SLIT2: variants seen among roughly 807,000 people sequenced by gnomAD.
SLIT2 encodes the protein slit homolog 2 protein.
In SLIT2, 41 loss-of-function variants were observed where a neutral mutation model predicts 185.7. The observed-to-expected ratio is 0.22, with a 90% confidence interval of 0.17 to 0.29. SLIT2 has a LOEUF of 0.29. Ranked by LOEUF, SLIT2 falls within the 10% of genes least tolerant of loss-of-function variation. The probability of loss-of-function intolerance (pLI) is 1.00; values close to 1 mark genes in which losing one functional copy is unlikely to be tolerated. For synonymous variants in SLIT2, 693 were observed against 680.2 expected (o/e 1.02, Z -0.29); for missense variants, 1,571 against 1,909.0 (o/e 0.82, Z 3.30).
At chr4:20,461,773 T>A (rs1216910116) in intron 4 of SLIT2, among the ~76,000 whole-genome samples, 1 of 152,206 alleles carries the variant, frequency 6.6e-6, no homozygotes, top group Non-Finnish European at 1.5e-5. Flanking sequence ...TGGTGTATCC[T>A]TAACTGAGAT....
intron 4 of SLIT2, among the ~76,000 whole-genome samples, chr4:20,433,983 G>A (rs1252076405): frequency 3.3e-5 from 5 of 152,060 alleles, no homozygotes; most frequent in African/African-American, 1.2e-4. Flanking sequence ...CATAAAATTT[G>A]CTTATCTAAA....
At chr4:20,393,995 A>G (rs1241123204) in intron 4 of SLIT2, among the ~76,000 whole-genome samples, 3 of 152,032 alleles carry the variant, frequency 2.0e-5, no homozygotes, top group Non-Finnish European at 4.4e-5. Context: ...TTTGCACAGC[A>G]TGACTTAATA....
intron 30 of SLIT2, among the ~76,000 whole-genome samples, chr4:20,590,600 T>C (rs1727443715): frequency 6.6e-6 from 1 of 152,180 alleles, no homozygotes; most frequent in Non-Finnish European, 1.5e-5. Context: ...AGCATTATAA[T>C]CCCGCTAAGT....
chr4:20,326,723 A>C (rs1177645901), intron 4 of SLIT2, among the ~76,000 whole-genome samples: 1 of 135,404 alleles, frequency 7.4e-6, no homozygotes, highest in Non-Finnish European at 1.6e-5. Flanking sequence ...TATTTGTTTG[A>C]CATGTTGAAA....
intron 30 of SLIT2, 45 bp downstream of exon 30, chr4:20,589,782 C>A: frequency 2.1e-6 from 3 of 1,430,412 alleles, no homozygotes; most frequent in Non-Finnish European, 2.9e-6. Context: ...GGTAGGGGAC[C>A]CATTATTTTA....
intron 26 of SLIT2, among the ~76,000 whole-genome samples, chr4:20,555,300 A>C (rs1724150800): frequency 6.6e-6 from 1 of 152,066 alleles, no homozygotes; most frequent in South Asian, 2.1e-4. Flanking sequence ...TGGAGGAAAA[A>C]CGTACTTAAG....
rs368970992 is a variant in SLIT2 at position 20,313,157 on chromosome 4, T to G, written c.395+44276T>G. On this transcript the variant is annotated intron_variant, in intron 4 of 36. Transcript: ENST00000504154. ...TTCTGCATTGCTATAAAGAAATACC[T>G]GAGACTTGGTAATTTATAAAAGAAA... Among the ~76,000 whole-genome samples the G allele has an allele frequency of 3.0e-4, 46 of 152,302 alleles. 1 individual carries two copies. The South Asian group carries it at 9.1e-3, about 30-fold the overall frequency.
chr4:20,293,073 G>A (rs966964786), intron 4 of SLIT2, among the ~76,000 whole-genome samples: 5 of 152,216 alleles, frequency 3.3e-5, no homozygotes, highest in Admixed American at 6.5e-5. Context: ...GGGGGAAAAA[G>A]TCTGTATGGA....
intron 4 of SLIT2, among the ~76,000 whole-genome samples, chr4:20,448,546 C>T (rs540845430): frequency 2.6e-5 from 4 of 152,056 alleles, no homozygotes; most frequent in Non-Finnish European, 5.9e-5. Context: ...GTCTTGAATT[C>T]CCGACCTCAG....
chr4:20,550,156 A>C (rs889360018), intron 24 of SLIT2, among the ~76,000 whole-genome samples: 8 of 152,130 alleles, frequency 5.3e-5, no homozygotes, highest in African/African-American at 1.9e-4. Flanking sequence ...ATTTTTGTCC[A>C]TATGACAGAT....
At chr4:20,510,046 C>T (rs75796388) in intron 9 of SLIT2, among the ~76,000 whole-genome samples, 13,274 of 151,986 alleles carry the variant, frequency 0.087, 1,124 homozygotes, top group African/African-American at 0.22. Context: ...ATATGCTTTC[C>T]ATAGAGGAAA....
rs370250912 is a variant in SLIT2, at chr4:20,503,562, AT to A, written c.915-6925del. On this transcript the variant is annotated intron_variant, in intron 9 of 36. Transcript: ENST00000504154. ...ATCTGTGGGCCATGTGCCTAAGCCCATTTTTTTTCCCCGAGTCTACACCATT... is the reference window on the plus strand; with the variant it reads ...ATCTGTGGGCCATGTGCCTAAGCCCATTTTTTTCCCCGAGTCTACACCATT... 3.9e-3 allele frequency among the ~76,000 whole-genome samples: 511 copies of A among 130,474 alleles called. 3 individuals carry two copies. The highest frequency in any genetic ancestry group is 0.014 in the African/African-American group (479 of 35,196). 85.6% of individuals were successfully genotyped at this position (130,474 alleles called of 152,430 possible).
At chr4:20,527,859 T>C (rs1332869284) in intron 15 of SLIT2, among the ~76,000 whole-genome samples, 1 of 152,198 alleles carries the variant, frequency 6.6e-6, no homozygotes, top group East Asian at 1.9e-4. Context: ...GAATTCACCA[T>C]TTTGGCTGTA....
At chr4:20,595,868 A>G (rs1727940071) in intron 31 of SLIT2, 34 bp downstream of exon 31, 4 of 1,584,762 alleles carry the variant, frequency 2.5e-6, no homozygotes, top group Non-Finnish European at 8.7e-7. Flanking sequence ...CTAGTGTTCA[A>G]TAAGACCTAG....
chr4:20,609,205 T>TTCA (rs1454983386), intron 33 of SLIT2, among the ~76,000 whole-genome samples: 2 of 152,156 alleles, frequency 1.3e-5, no homozygotes, highest in Admixed American at 6.5e-5. Context: ...TTTACCTTTC[T>TTCA]TCATCTTTTT....
chr4:20,482,060 A>T (rs1242126219), intron 6 of SLIT2, among the ~76,000 whole-genome samples: 1 of 152,008 alleles, frequency 6.6e-6, no homozygotes, highest in Non-Finnish European at 1.5e-5. Flanking sequence ...TTTTTAATAT[A>T]CGAAACTCAC....
intron 18 of SLIT2, 106 bp downstream of exon 18, chr4:20,533,821 CTCTA>C: frequency 2.2e-6 from 2 of 889,016 alleles, no homozygotes; most frequent in South Asian, 3.2e-5. Flanking sequence ...ACCCCACTCC[CTCTA>C]TCTCTTTCAC....
intron 4 of SLIT2, among the ~76,000 whole-genome samples, chr4:20,367,169 G>T (rs1320034719): frequency 1.3e-5 from 2 of 152,090 alleles, no homozygotes; most frequent in South Asian, 2.1e-4. Context: ...AGGAAATGTG[G>T]TACAAAATCA....
At position 20,519,260 on chromosome 4, in the gene SLIT2, T is replaced by C. The variant is rs912567714; in HGVS notation, c.1059-122T>C. On this transcript the variant is annotated intron_variant, in intron 11 of 36. Coordinates refer to ENST00000504154, the MANE Select transcript of SLIT2 (RefSeq NM_004787.4). ...TGCAAATGGAGTTTGTTTACTCAGC[T>C]ATAACTTTTATGATGTATTGATTGC... is the stretch of plus-strand genomic sequence containing the variant. 8 of 656,690 alleles carry C rather than the reference T, an allele frequency of 1.2e-5. No individual in the cohort carries two copies. The African/African-American group carries it at 1.3e-4, about 11-fold the overall frequency. The allele number at this position is 656,690 out of a possible 1,614,324, so 40.7% of individuals were successfully genotyped here.
Sources: gnomAD v4.1 joint callset for allele counts (sites outside exome capture counted in the v4.1 genomes callset) on GRCh38, gnomAD v4.1.1 for gene constraint, MANE v1.5 for transcripts, NCBI Gene and HGNC (gene_info 2026-07-23, HGNC 2026-07-21) for gene names.